The following LONRF1 variants were observed in gnomAD, a reference collection of about 807,000 sequenced individuals.
The protein encoded by LONRF1 is LON peptidase N-terminal domain and RING finger protein 1.
Under a neutral mutation model 85.8 loss-of-function variants are expected in LONRF1, and 37 were observed. The ratio of observed to expected loss-of-function variants is 0.43; its 90% CI spans 0.33 to 0.57. The LOEUF is 0.57. Ranked by LOEUF, LONRF1 falls within the 20% of genes least tolerant of loss-of-function variation. The pLI is 0.04. For synonymous variants in LONRF1, 517 were observed against 390.1 expected, an observed-to-expected ratio of 1.33 and a Z score of -3.83; for missense variants, 1,036 against 978.0, an observed-to-expected ratio of 1.06 and a Z score of -0.79.
chr8:12,732,957 A>G (rs978690719), intron 7 of LONRF1, among the ~76,000 whole-genome samples: 7 of 152,324 alleles, frequency 4.6e-5, no homozygotes, highest in South Asian at 2.1e-4. Flanking sequence ...TCATTATCCA[A>G]TGAAGAGTAG....
intron 1 of LONRF1, chr8:12,754,438 C>A: frequency 3.1e-6 from 1 of 325,060 alleles, no homozygotes; most frequent in Non-Finnish European, 5.4e-6. Flanking sequence ...AGCCAGGCCG[C>A]GGCCGAGGGA....
At chr8:12,736,856 A>G in intron 5 of LONRF1, 44 bp downstream of exon 5, 1 of 1,575,874 alleles carries the variant, frequency 6.3e-7, no homozygotes, top group Non-Finnish European at 8.6e-7. Flanking sequence ...GACTATTCTG[A>G]CTAAATAAAT....
chr8:12,752,816 A>G (rs1459245624), intron 1 of LONRF1, among the ~76,000 whole-genome samples: 1 of 152,226 alleles, frequency 6.6e-6, no homozygotes, highest in Non-Finnish European at 1.5e-5. Context: ...AGATCACTAA[A>G]TCAGCAGTAC....
At chr8:12,749,843 G>A (rs968485081) in intron 1 of LONRF1, among the ~76,000 whole-genome samples, 12 of 151,808 alleles carry the variant, frequency 7.9e-5, no homozygotes, top group African/African-American at 2.4e-4. Flanking sequence ...CATTTTCTAG[G>A]GATTTTCAAT....
At chr8:12,733,591 TA>T (rs759538462) in intron 7 of LONRF1, among the ~76,000 whole-genome samples, 4 of 152,164 alleles carry the variant, frequency 2.6e-5, no homozygotes, top group Non-Finnish European at 5.9e-5. Flanking sequence ...GACAGATATA[TA>T]ATATCTGTCA....
chr8:12,745,661 A>G (rs959386536), intron 1 of LONRF1, among the ~76,000 whole-genome samples: 4 of 152,190 alleles, frequency 2.6e-5, no homozygotes. Context: ...CCATTACTGC[A>G]GGTATCTGTA....
rs1024615341 is a variant in LONRF1 at position 12,755,328 on chromosome 8, G to A, written c.93C>T (p.Gly31=). Reference sequence around the variant, plus strand: ...GCTCCAGCCGATGGCCGCTGCCGCCGCCCACTTCCCAGAACCGGCCTCGGC... The same window carrying A: ...GCTCCAGCCGATGGCCGCTGCCGCCACCCACTTCCCAGAACCGGCCTCGGC... ...PQGRGRFWEV[G]GGSGHRLERA... The change falls in exon 1 of 12, where the codon GGC becomes GGT. Residue 31 remains glycine, a synonymous_variant. Coordinates refer to ENST00000398246, the MANE Select transcript of LONRF1 (RefSeq NM_152271.5). 2 of 1,254,440 alleles carry A rather than the reference G, an allele frequency of 1.6e-6. No individual in the cohort carries two copies. Among genetic ancestry groups the A allele is most frequent in the African/African-American group, 1.6e-5 (1 of 63,024 alleles). The allele number at this position is 1,254,440 out of a possible 1,614,324, so 77.7% of individuals were successfully genotyped here.
intron 11 of LONRF1, among the ~76,000 whole-genome samples, chr8:12,724,681 A>G (rs1057381324): frequency 1.3e-5 from 2 of 152,330 alleles, no homozygotes; most frequent in Middle Eastern, 3.4e-3. Context: ...AGTTATGCTG[A>G]ATTTTTCTAT....
chr8:12,746,269 G>T (rs1168026306), intron 1 of LONRF1, among the ~76,000 whole-genome samples: 2 of 152,064 alleles, frequency 1.3e-5, no homozygotes, highest in Non-Finnish European at 2.9e-5. Flanking sequence ...TTTAGTACAA[G>T]TTCCTCCATG....
At chr8:12,741,533 A>T (rs10098478) in intron 2 of LONRF1, among the ~76,000 whole-genome samples, 9,499 of 152,312 alleles carry the variant, frequency 0.062, 818 homozygotes, top group African/African-American at 0.19. Flanking sequence ...TTCCACACCA[A>T]GTCAGAGCTG....
intron 2 of LONRF1, among the ~76,000 whole-genome samples, chr8:12,742,747 T>TG (rs1464303232): frequency 5.3e-4 from 3 of 5,682 alleles, no homozygotes; most frequent in South Asian, 3.7e-3. Context: ...TGAACCTAGA[T>TG]TTTTTTTGAG....
chr8:12,740,811 T>C (rs1798903650), intron 3 of LONRF1, 63 bp downstream of exon 3: 1 of 1,550,374 alleles, frequency 6.5e-7, no homozygotes, highest in Non-Finnish European at 8.7e-7. Flanking sequence ...TATTAGCTTT[T>C]TTTTTTAAAC....
At chr8:12,745,595 A>G (rs1040930900) in intron 1 of LONRF1, among the ~76,000 whole-genome samples, 20 of 152,362 alleles carry the variant, frequency 1.3e-4, no homozygotes, top group African/African-American at 4.8e-4. Context: ...CCTTGAGGAC[A>G]CTACAGACGA....
In LONRF1 at chr8:12,743,275, A is replaced by G. The variant is rs759607342; in HGVS notation, c.729T>C (p.Ser243=). The G allele has an allele frequency of 6.4e-7, 1 of 1,567,644 alleles. No individual in the cohort carries two copies. The highest frequency in any genetic ancestry group is 1.1e-5 in the South Asian group (1 of 88,858). ...CTCTGTAAATTTTTACAATCAAGTC[A>G]CTGGGTTCTGAAATAAATATTTTAT... The part of the protein sequence containing the change: ...AACEALRAEP[S]DLIVKIYRAE... The change falls in exon 2 of 12, where the codon AGT becomes AGC. Residue 243 remains serine (S), a synonymous_variant. Transcript: ENST00000398246.
At chr8:12,728,334 C>T (rs181695778) in intron 10 of LONRF1, among the ~76,000 whole-genome samples, 1 of 152,300 alleles carries the variant, frequency 6.6e-6, no homozygotes, top group Admixed American at 6.5e-5. Flanking sequence ...AACATGTACA[C>T]TGGCAGTGCT....
In LONRF1 at chr8:12,746,970, C is replaced by G. The variant is rs376111949; in HGVS notation, c.722-3688G>C. ...CGTGTTTGCTATTATGATTCTGTGC[C>G]TTCATCGTATATATACATTATTTAT... On this transcript the variant is annotated intron_variant, in intron 1 of 11. Transcript: ENST00000398246. Among the ~76,000 whole-genome samples, 7 of 152,270 alleles carry G rather than the reference C, an allele frequency of 4.6e-5. No individual in the cohort carries two copies. In the South Asian group the frequency reaches 8.3e-4, roughly 18 times the overall value.
rs1246709696 is a variant in LONRF1 at position 12,738,022 on chromosome 8, C to A, written c.1086G>T (p.Gln362His). The A allele has an allele frequency of 6.2e-7, 1 of 1,610,374 alleles. No homozygotes were observed. Among genetic ancestry groups the A allele is most frequent in the Non-Finnish European group, 8.5e-7 (1 of 1,178,522 alleles). ...GCTTTGGGCTAGGTTCATTGAGAGA[C>A]TGAGACTCTTCCATCACTGAATGAA... is the stretch of plus-strand genomic sequence containing the variant. ...FDFHSVMEES[Q>H]SLNEPSPKQS... Residue 362 changes from glutamine (Q) to histidine (H), a missense_variant, in exon 4 of 12, where the codon CAG (glutamine) becomes CAT (histidine). By Grantham distance (24) the Gln-to-His change is conservative. Coordinates refer to ENST00000398246, the MANE Select transcript of LONRF1 (RefSeq NM_152271.5).
At chr8:12,728,657 C>T (rs576503046) in intron 10 of LONRF1, among the ~76,000 whole-genome samples, 3 of 152,336 alleles carry the variant, frequency 2.0e-5, no homozygotes, top group African/African-American at 7.2e-5. Flanking sequence ...ATTCTAGGCA[C>T]TGGGCTGGTT....
intron 7 of LONRF1, 137 bp from the exon 8 acceptor site, chr8:12,731,994 T>C: frequency 1.2e-6 from 1 of 820,018 alleles, no homozygotes; most frequent in Non-Finnish European, 1.9e-6. Flanking sequence ...AGGGGAACAT[T>C]ACAATGGATG....
Sources: allele counts gnomAD v4.1 joint callset (sites outside exome capture counted in the v4.1 genomes callset), GRCh38; gene constraint gnomAD v4.1.1; transcripts MANE v1.5; gene names NCBI Gene and HGNC (gene_info 2026-07-23, HGNC 2026-07-21).